KLHL3: variants seen among roughly 807,000 people sequenced by gnomAD.
KLHL3 encodes the protein kelch like family member 3.
KLHL3 carries 19 observed loss-of-function variants against 70.5 expected under a neutral mutation model. The observed-to-expected ratio is 0.27, with a 90% CI of 0.19 to 0.40. The LOEUF (loss-of-function observed/expected upper bound fraction) is 0.40. Among genes scored for constraint, KLHL3 ranks in the 10% least tolerant of loss-of-function variants. KLHL3 has a pLI of 1.00. For missense variants in KLHL3, 512 were observed against 771.1 expected (o/e 0.66, Z 3.98); for synonymous variants, 258 against 290.3 (o/e 0.89, Z 1.13).
At chr5:137,719,647 A>G (rs976870108) in intron 2 of KLHL3, among the ~76,000 whole-genome samples, 11 of 152,214 alleles carry the variant, frequency 7.2e-5, no homozygotes, top group African/African-American at 2.4e-4. Flanking sequence ...CCTCACTATT[A>G]GCTCAGAGAG....
chr5:137,634,598 T>C (rs2149882086), intron 11 of KLHL3, among the ~76,000 whole-genome samples: 2 of 152,312 alleles, frequency 1.3e-5, no homozygotes. Context: ...GCAGATGAAG[T>C]AAATATGGAA....
chr5:137,683,439 A>G (rs1752082971), intron 5 of KLHL3, among the ~76,000 whole-genome samples: 2 of 152,120 alleles, frequency 1.3e-5, no homozygotes, highest in Admixed American at 6.5e-5. Flanking sequence ...AAAACCACAG[A>G]ACTGCCTTAA....
chr5:137,672,442 A>G (rs186278145), intron 6 of KLHL3, among the ~76,000 whole-genome samples: 19 of 152,374 alleles, frequency 1.2e-4, no homozygotes, highest in Admixed American at 1.2e-3. Context: ...TAAGGAGACA[A>G]CAGCGCATTT....
At chr5:137,625,972 C>G in intron 13 of KLHL3, 76 bp from the exon 14 acceptor site, 1 of 1,570,684 alleles carries the variant, frequency 6.4e-7, no homozygotes, top group East Asian at 2.3e-5. Context: ...AGAGACAAAT[C>G]TGGATAGCCT....
rs370693843 is a variant in KLHL3, at chr5:137,639,048, G to A, written c.1124C>T (p.Thr375Met). 2.0e-5 allele frequency: 32 copies of A among 1,614,090 alleles called. 1 individual carries two copies. Among genetic ancestry groups the A allele is most frequent in the African/African-American group, 5.3e-5 (4 of 75,026 alleles). The part of the protein sequence containing the change: ...DVYDGVKDQW[T>M]SIASMQERRS... ...GCGCTCCTGCATGCTGGCAATGGAC[G>A]TCCACTGGTCCTTCACGCCGTCATA... Residue 375 changes from threonine (T) to methionine (M), a missense_variant, in exon 10 of 15, where the codon ACG becomes ATG. Physicochemically the swap from Thr to Met is moderately conservative, Grantham distance 81. Coordinates refer to ENST00000309755, the MANE Select transcript of KLHL3 (RefSeq NM_017415.3). The surrounding 1 kb of genome is among the most constrained non-coding windows in gnomAD (Gnocchi z 5.0).
intron 4 of KLHL3, among the ~76,000 whole-genome samples, chr5:137,693,030 T>C (rs1752361590): frequency 6.6e-6 from 1 of 152,180 alleles, no homozygotes; most frequent in Non-Finnish European, 1.5e-5. Context: ...TGAGAGCCAC[T>C]GTCCCACAAC....
At chr5:137,647,444 A>G in intron 8 of KLHL3, 1 of 455,386 alleles carries the variant, frequency 2.2e-6, no homozygotes, top group South Asian at 1.6e-5. Context: ...CCTCAGGACT[A>G]CATAGGTCAT....
rs192686373 is a variant in KLHL3 at position 137,621,553 on chromosome 5, C to G, written c.*545G>C. The G allele has an allele frequency of 1.3e-5, 2 of 153,572 alleles. No homozygotes were observed. Among genetic ancestry groups the G allele is most frequent in the Admixed American group, 1.3e-4 (2 of 15,402 alleles). 9.5% of individuals were successfully genotyped at this position (153,572 alleles called of 1,614,324 possible). On this transcript the variant is annotated 3_prime_UTR_variant, in exon 15 of 15. Transcript: ENST00000309755. ...TACATAAGTGGGTGTGGCCAGAGAA[C>G]TGCCCCTCTCACTGGTTATTTCTGG...
Position 137,628,395 on chromosome 5 carries a change from T to G in KLHL3, c.1493A>C (p.His498Pro). The change falls in exon 13 of 15, where the codon CAT (histidine) becomes CCT (proline). Residue 498 changes from histidine to proline, a missense_variant. Physicochemically the swap from His to Pro is moderately conservative, Grantham distance 77 (BLOSUM62 -2). Transcript: ENST00000309755. ...GCTCTTCCTCACCAAAGGCCCATCA[T>G]GCCCACCTGTGGCGTACAGCTGTCC... is the stretch of plus-strand genomic sequence containing the variant. The part of the protein sequence containing the change: ...LSGQLYATGG[H>P]DGPLVRKSVE... The G allele has an allele frequency of 6.2e-7, 1 of 1,614,230 alleles. No individual in the cohort carries two copies.
At chr5:137,692,529 G>A in intron 4 of KLHL3, 82 bp from the exon 5 acceptor site, 1 of 1,344,646 alleles carries the variant, frequency 7.4e-7, no homozygotes, top group South Asian at 1.3e-5. Context: ...TCACTCCCAT[G>A]CTCAAGATCT....
intron 1 of KLHL3, among the ~76,000 whole-genome samples, chr5:137,724,348 A>T (rs972853895): frequency 1.3e-5 from 2 of 152,190 alleles, no homozygotes; most frequent in Non-Finnish European, 2.9e-5. Flanking sequence ...GCCATTTTAG[A>T]AGCACTGACA....
rs796957196 is a variant in KLHL3 at position 137,639,711 on chromosome 5, C to CAAAAA, written c.1021+144_1021+148dup. 7 of 504,700 alleles carry CAAAAA rather than the reference C, an allele frequency of 1.4e-5. No individual in the cohort carries two copies. The highest frequency in any genetic ancestry group is 3.3e-5 in the East Asian group (1 of 30,306). The allele number at this position is 504,700 out of a possible 1,614,324, so 31.3% of individuals were successfully genotyped here. A position where few individuals can be genotyped will look rare whatever the true frequency, so the allele number is the denominator to read the frequency against. ...TCTGTCTTAAAACAACGACAACAAC[C>CAAAAA]AAAAAAAAAAAAAAAGTGTGCAGGA... On this transcript the variant is annotated intron_variant, in intron 9 of 14. Coordinates refer to ENST00000309755, the MANE Select transcript of KLHL3 (RefSeq NM_017415.3). The surrounding 1 kb of genome is among the most constrained non-coding windows in gnomAD (Gnocchi z 5.0).
chr5:137,669,510 T>G lies in KLHL3; in HGVS notation c.637-7479A>C, dbSNP rs1347587937. On this transcript the variant is annotated intron_variant, in intron 6 of 14. Coordinates refer to ENST00000309755, the MANE Select transcript of KLHL3 (RefSeq NM_017415.3). ...AAAAAATTAAAACGGTAACATCACT[T>G]GGCCTGGAAATTGTTCTTCAGCTTT... is the stretch of plus-strand genomic sequence containing the variant. Among the ~76,000 whole-genome samples, 799 of 151,600 alleles carry G rather than the reference T, an allele frequency of 5.3e-3. 5 individuals are homozygous for G. The highest frequency in any genetic ancestry group is 9.4e-3 in the Non-Finnish European group (637 of 67,492).
At chr5:137,641,800 T>G (rs1750919977) in intron 8 of KLHL3, among the ~76,000 whole-genome samples, 1 of 152,052 alleles carries the variant, frequency 6.6e-6, no homozygotes, top group Non-Finnish European at 1.5e-5. Flanking sequence ...GTTCAAAAAT[T>G]CAGAAATCAG....
rs1362312134 is a variant in KLHL3, at chr5:137,639,025, G to A, written c.1147C>T (p.Arg383Cys). 6 of 1,613,964 alleles carry A rather than the reference G, an allele frequency of 3.7e-6. No individual in the cohort carries two copies. The highest frequency in any genetic ancestry group is 5.1e-6 in the Non-Finnish European group (6 of 1,180,026). Residue 383 changes from arginine to cysteine, a missense_variant, in exon 10 of 15, where the codon CGC becomes TGC. Coordinates refer to ENST00000309755, the MANE Select transcript of KLHL3 (RefSeq NM_017415.3). This position sits in a 1 kb window ranked among gnomAD's most constrained non-coding sequence, Gnocchi z 5.0. Reference protein sequence around the residue: ...QWTSIASMQERRSTLGAAVLN... With the variant: ...QWTSIASMQECRSTLGAAVLN... Reference sequence around the variant, plus strand: ...ACCGCTGCGCCCAGTGTGCTCCGGCGCTCCTGCATGCTGGCAATGGACGTC... The same window carrying A: ...ACCGCTGCGCCCAGTGTGCTCCGGCACTCCTGCATGCTGGCAATGGACGTC...
intron 8 of KLHL3, among the ~76,000 whole-genome samples, chr5:137,646,541 T>C (rs1245316988): frequency 6.6e-6 from 1 of 152,064 alleles, no homozygotes; most frequent in African/African-American, 2.4e-5. Flanking sequence ...CAAATACGAG[T>C]ATTTCCCACA....
At chr5:137,672,256 C>T (rs1011886115) in intron 6 of KLHL3, among the ~76,000 whole-genome samples, 2 of 152,178 alleles carry the variant, frequency 1.3e-5, no homozygotes, top group African/African-American at 4.8e-5. Flanking sequence ...CATGCAAGCC[C>T]AGCCCACCGG....
chr5:137,692,819 T>TACACACACACACAC lies in KLHL3; in HGVS notation c.364-386_364-373dup, dbSNP rs3045645. The TACACACACACACAC allele has an allele frequency of 1.0e-3, 170 of 168,274 alleles. 1 individual carries two copies. The highest frequency in any genetic ancestry group is 3.9e-3 in the African/African-American group (153 of 39,630). 10.4% of individuals were successfully genotyped at this position (168,274 alleles called of 1,614,324 possible). A position where few individuals can be genotyped will look rare whatever the true frequency, so the allele number is the denominator to read the frequency against. ...AACCACACTTTGAGTAACAAAACTCTACACACACACACACACACACACACA... is the reference window on the plus strand; with the variant it reads ...AACCACACTTTGAGTAACAAAACTCTACACACACACACACACACACACACACACACACACACACA... On this transcript the variant is annotated intron_variant, in intron 4 of 14. Transcript: ENST00000309755.
chr5:137,700,449 T>C (rs569536158), intron 3 of KLHL3, among the ~76,000 whole-genome samples: 85 of 152,360 alleles, frequency 5.6e-4, no homozygotes, highest in Admixed American at 2.7e-3. Context: ...GACTGTTTTC[T>C]GCCTGTGGAA....
Sources: gnomAD v4.1 joint callset for allele counts (sites outside exome capture counted in the v4.1 genomes callset) on GRCh38, gnomAD v4.1.1 for gene constraint, Gnocchi (gnomAD v3.1) non-coding constraint, MANE v1.5 for transcripts, NCBI Gene and HGNC (gene_info 2026-07-23, HGNC 2026-07-21) for gene names.